Variants in ABCA13 observed in about 807,000 individuals in gnomAD.
ABCA13 encodes ATP-binding cassette sub-family A member 13.
Under a neutral mutation model 478.7 loss-of-function variants are expected in ABCA13, and 476 were observed. The ratio of observed to expected loss-of-function variants is 0.99; its 90% CI spans 0.92 to 1.07. The LOEUF is 1.07. Among genes scored for constraint, ABCA13 ranks in the 50% least tolerant of loss-of-function variants. ABCA13 has a pLI of 0.00. For synonymous variants in ABCA13, 2,252 were observed against 2,158.9 expected, an observed-to-expected ratio of 1.04 and a Z score of -1.20; for missense variants, 6,060 against 5,910.6, an observed-to-expected ratio of 1.03 and a Z score of -0.83.
chr7:48,434,835 G>A (rs930297112), intron 42 of ABCA13, among the ~76,000 whole-genome samples: 7 of 151,776 alleles, frequency 4.6e-5, no homozygotes, highest in African/African-American at 1.7e-4. Context: ...ATTTTCTTCT[G>A]AGTTCTCTAT....
chr7:48,329,183 CT>C (rs1333143679), intron 27 of ABCA13, among the ~76,000 whole-genome samples: 1 of 152,188 alleles, frequency 6.6e-6, no homozygotes, highest in East Asian at 1.9e-4. Flanking sequence ...CATAATGCAT[CT>C]GTTTTTGTAA....
At chr7:48,374,598 A>G (rs1210269819) in intron 34 of ABCA13, among the ~76,000 whole-genome samples, 182 bp downstream of exon 34, 1 of 152,214 alleles carries the variant, frequency 6.6e-6, no homozygotes, top group South Asian at 2.1e-4. Context: ...CAGTTTTGAG[A>G]ACAATCAAGA....
At chr7:48,514,061 A>T (rs1280796385) in intron 51 of ABCA13, among the ~76,000 whole-genome samples, 1 of 152,218 alleles carries the variant, frequency 6.6e-6, no homozygotes, top group African/African-American at 2.4e-5. Flanking sequence ...ACAGATCCTG[A>T]ACCATCTCAA....
At position 48,310,053 on chromosome 7, in the gene ABCA13, A is replaced by G. The variant is rs748972816; in HGVS notation, c.9428A>G (p.Glu3143Gly). Reference sequence around the variant, plus strand: ...GGGGAAAAATCTTGGATCGCAGCGGAGGAACTCTGTAGCCTGCCAGGGTCA... The same window carrying G: ...GGGGAAAAATCTTGGATCGCAGCGGGGGAACTCTGTAGCCTGCCAGGGTCA... ...PKGEKSWIAA[E>G]ELCSLPGSKV... is the part of the protein sequence containing the mutation. Residue 3143 changes from glutamate (E) to glycine (G), a missense_variant, in exon 24 of 62, where the codon GAG (glutamate) becomes GGG (glycine). By Grantham distance (98) the Glu-to-Gly change is moderately conservative. Transcript: ENST00000435803. The G allele has an allele frequency of 6.2e-7, 1 of 1,613,934 alleles. No homozygotes were observed. Among genetic ancestry groups the G allele is most frequent in the South Asian group, 1.1e-5 (1 of 91,082 alleles).
At chr7:48,353,618 C>G (rs957385315) in intron 31 of ABCA13, among the ~76,000 whole-genome samples, 3 of 151,574 alleles carry the variant, frequency 2.0e-5, no homozygotes, top group Non-Finnish European at 4.4e-5. Flanking sequence ...GCGACACACA[C>G]GTGAGGATAG....
intron 34 of ABCA13, among the ~76,000 whole-genome samples, chr7:48,375,814 A>G (rs1400917418): frequency 1.3e-5 from 2 of 152,172 alleles, no homozygotes; most frequent in Admixed American, 1.3e-4. Flanking sequence ...AAATTGAATC[A>G]AAATGATAGA....
chr7:48,567,506 G>C (rs1338039808), intron 55 of ABCA13, among the ~76,000 whole-genome samples: 1 of 152,038 alleles, frequency 6.6e-6, no homozygotes, highest in African/African-American at 2.4e-5. Context: ...CATTCTATCA[G>C]AACTTATATA....
At chr7:48,467,114 T>G (rs1417639270) in intron 44 of ABCA13, 69 bp downstream of exon 44, 1 of 1,392,488 alleles carries the variant, frequency 7.2e-7, no homozygotes, top group Non-Finnish European at 1.0e-6. Context: ...GGGAGGACTG[T>G]TTTTCTTCAT....
intron 42 of ABCA13, among the ~76,000 whole-genome samples, chr7:48,442,269 G>C (rs1431312542): frequency 7.8e-6 from 1 of 128,180 alleles, no homozygotes; most frequent in East Asian, 2.5e-4. Context: ...AGCTTGGGCT[G>C]CCAAACTGCC....
chr7:48,259,578 G>A (rs1793886476), intron 15 of ABCA13, among the ~76,000 whole-genome samples: 1 of 152,040 alleles, frequency 6.6e-6, no homozygotes, highest in South Asian at 2.1e-4. Flanking sequence ...TTTAATTGGA[G>A]CATGCATAGT....
chr7:48,373,998 T>C (rs1813063218), intron 33 of ABCA13, among the ~76,000 whole-genome samples: 1 of 152,208 alleles, frequency 6.6e-6, no homozygotes, highest in African/African-American at 2.4e-5. Flanking sequence ...CTCCAGGGCA[T>C]TCACTTAATA....
At chr7:48,179,356 C>T (rs1389886050) in intron 1 of ABCA13, among the ~76,000 whole-genome samples, 1 of 152,192 alleles carries the variant, frequency 6.6e-6, no homozygotes, top group African/African-American at 2.4e-5. Flanking sequence ...GGAAACCTTA[C>T]CCGAGGTCAG....
At chr7:48,628,374 T>G (rs1793861066) in intron 59 of ABCA13, among the ~76,000 whole-genome samples, 1 of 152,224 alleles carries the variant, frequency 6.6e-6, no homozygotes, top group African/African-American at 2.4e-5. Flanking sequence ...ATTCTTCCCT[T>G]TCTTTCTTCC....
Position 48,591,545 on chromosome 7 carries a change from A to T in ABCA13, c.14641-3165A>T, listed in dbSNP as rs917425173. ...CAATGGAATTGTAGGAATAGCACTG[A>T]GTCTGTAGATCGCTTTGGGTAATAT... is the stretch of plus-strand genomic sequence containing the variant. On this transcript the variant is annotated intron_variant, in intron 57 of 61. Coordinates refer to ENST00000435803, the MANE Select transcript of ABCA13 (RefSeq NM_152701.5). 4.6e-5 allele frequency among the ~76,000 whole-genome samples: 7 copies of T among 152,004 alleles called. No individual in the cohort carries two copies. In the East Asian group the frequency reaches 1.2e-3, roughly 25 times the overall value.
chr7:48,313,302 C>T, intron 25 of ABCA13, 71 bp downstream of exon 25: 5 of 1,451,510 alleles, frequency 3.4e-6, no homozygotes, highest in Non-Finnish European at 4.6e-6. Flanking sequence ...CCCTTTTTGC[C>T]TTTATCTTCC....
intron 41 of ABCA13, among the ~76,000 whole-genome samples, chr7:48,415,212 G>C (rs971253990): frequency 5.3e-5 from 8 of 152,310 alleles, no homozygotes; most frequent in Non-Finnish European, 1.2e-4. Context: ...GGACAGTTGA[G>C]AGCTGTCAGC....
rs541532623 is a variant in ABCA13 at position 48,469,885 on chromosome 7, A to G, written c.12906-1645A>G. On this transcript the variant is annotated intron_variant, in intron 44 of 61. Transcript: ENST00000435803. ...TAGTGAGCCGAGATTGTGCCATTGC[A>G]TTCCAGCCTGGGCAACAGGGTGAGA... 1.9e-4 allele frequency among the ~76,000 whole-genome samples: 29 copies of G among 151,396 alleles called. No individual in the cohort carries two copies. In the South Asian group the frequency reaches 5.9e-3, roughly 31 times the overall value.
In ABCA13 at chr7:48,352,191, C is replaced by G; in HGVS notation, c.10392C>G (p.Phe3464Leu). The G allele has an allele frequency of 6.2e-7, 1 of 1,605,630 alleles. No homozygotes were observed. Among genetic ancestry groups the G allele is most frequent in the East Asian group, 2.2e-5 (1 of 44,726 alleles). ...CTTTTCTGCCACTAGGTATCATTTT[C>G]AGCAATTCCTTATTCGACAAGAACT... is the stretch of plus-strand genomic sequence containing the variant. Reference protein sequence around the residue: ...QQNSFLASIIFSNSLFDKNFR... With the variant: ...QQNSFLASIILSNSLFDKNFR... The change falls in exon 31 of 62, where the codon TTC (phenylalanine) becomes TTG (leucine). Residue 3464 changes from phenylalanine (F) to leucine (L), a missense_variant. Around this residue, in one of 3 missense-constraint regions of ABCA13, gnomAD observed 4,423 missense variants for 4,309.1 expected, o/e 1.03. Transcript: ENST00000435803.
chr7:48,420,588 C>T (rs957025581), intron 41 of ABCA13, among the ~76,000 whole-genome samples: 3 of 152,108 alleles, frequency 2.0e-5, no homozygotes, highest in African/African-American at 4.8e-5. Context: ...TTCCTTCCAG[C>T]TTGCTAAATA....
Sources: allele counts gnomAD v4.1 joint callset (sites outside exome capture counted in the v4.1 genomes callset), GRCh38; gene constraint gnomAD v4.1.1; regional missense constraint gnomAD v4.1.1; transcripts MANE v1.5; gene names NCBI Gene and HGNC (gene_info 2026-07-23, HGNC 2026-07-21).